Variants in KSR2 observed in about 807,000 individuals in gnomAD.
KSR2 encodes the protein kinase suppressor of ras 2.
A neutral mutation model predicts 107.8 loss-of-function variants in KSR2; 25 were observed. The observed-to-expected ratio is 0.23, with a 90% CI of 0.17 to 0.32. The LOEUF is 0.32. Among genes scored for constraint, KSR2 ranks in the 10% least tolerant of loss-of-function variants. KSR2 has a pLI of 1.00. For synonymous variants in KSR2, 480 were observed against 507.0 expected (o/e 0.95, Z 0.71); for missense variants, 887 against 1,268.9 (o/e 0.70, Z 4.57).
chr12:117,854,130 G>A (rs1318566129), intron 3 of KSR2, among the ~76,000 whole-genome samples: 4 of 152,092 alleles, frequency 2.6e-5, no homozygotes, highest in East Asian at 1.9e-4. Context: ...TCAGCCTCCC[G>A]AGTAGCTGGG....
rs1875033989 is a variant in KSR2, at chr12:117,525,111, T to G, written c.1960A>C (p.Ile654Leu). 1 of 1,614,010 alleles carries G rather than the reference T, an allele frequency of 6.2e-7. No individual in the cohort carries two copies. The highest frequency in any genetic ancestry group is 8.5e-7 in the Non-Finnish European group (1 of 1,179,884). The change falls in exon 14 of 20, where the codon ATC becomes CTC. Residue 654 changes from isoleucine (I) to leucine (L), a missense_variant. Around this residue, in one of 8 missense-constraint regions of KSR2, gnomAD observed 308 missense variants for 506.2 expected, o/e 0.61. Transcript: ENST00000339824. ...GGGATGTCCCACTCCTGAAGGAAGA[T>G]GCTGGTCTGGCTGGCCTTGCGTGGG... ...SFPRKASQTS[I>L]FLQEWDIPFE...
At chr12:117,792,045 T>C in intron 3 of KSR2, among the ~76,000 whole-genome samples, 1 of 152,076 alleles carries the variant, frequency 6.6e-6, no homozygotes, top group Non-Finnish European at 1.5e-5. Flanking sequence ...TGATAAAGCA[T>C]TGCGGTTTTG....
At position 117,576,274 on chromosome 12, in the gene KSR2, G is replaced by A. The variant is rs185307108; in HGVS notation, c.1325+2845C>T. On this transcript the variant is annotated intron_variant, in intron 7 of 19. Coordinates refer to ENST00000339824, the MANE Select transcript of KSR2 (RefSeq NM_173598.6). Reference sequence around the variant, plus strand: ...ATGTAAGAGTTGCCATTACCCCCACGGAATGTGGTGGGACTAGATACAGAT... The same window carrying A: ...ATGTAAGAGTTGCCATTACCCCCACAGAATGTGGTGGGACTAGATACAGAT... 1.7e-3 allele frequency among the ~76,000 whole-genome samples: 264 copies of A among 152,228 alleles called. 1 individual carries two copies. The highest frequency in any genetic ancestry group is 6.0e-3 in the African/African-American group (251 of 41,546).
chr12:117,787,811 A>G (rs941697523), intron 3 of KSR2, among the ~76,000 whole-genome samples: 3 of 152,198 alleles, frequency 2.0e-5, no homozygotes, highest in Non-Finnish European at 4.4e-5. Flanking sequence ...CCAGATCTTT[A>G]TTAACAGGAT....
At chr12:117,716,078 C>A (rs551929025) in intron 4 of KSR2, among the ~76,000 whole-genome samples, 16 of 152,278 alleles carry the variant, frequency 1.1e-4, no homozygotes, top group African/African-American at 3.6e-4. Flanking sequence ...ATCTCAGCAC[C>A]CTGTCTGCTT....
At chr12:117,581,325 C>T (rs1352214657) in intron 6 of KSR2, among the ~76,000 whole-genome samples, 1 of 152,116 alleles carries the variant, frequency 6.6e-6, no homozygotes, top group Non-Finnish European at 1.5e-5. Context: ...CCCTAGACCA[C>T]GAGCTCCCCA....
chr12:117,850,808 C>CA (rs11308554), intron 3 of KSR2, among the ~76,000 whole-genome samples: 11,161 of 140,080 alleles, frequency 0.08, 1,113 homozygotes, highest in African/African-American at 0.24. Context: ...GACCCCATCT[C>CA]AAAAAAAAAA....
chr12:117,571,114 C>T (rs1465701130), intron 7 of KSR2, among the ~76,000 whole-genome samples: 2 of 152,038 alleles, frequency 1.3e-5, no homozygotes, highest in African/African-American at 4.8e-5. Context: ...AAAAATTAGC[C>T]GGACATGGTG....
chr12:117,577,637 C>T (rs970229981), intron 7 of KSR2, among the ~76,000 whole-genome samples: 3 of 152,120 alleles, frequency 2.0e-5, no homozygotes, highest in African/African-American at 4.8e-5. Flanking sequence ...AGGCAAAAGG[C>T]ACTTCTTACA....
At chr12:117,653,128 C>A (rs1245178550) in intron 5 of KSR2, among the ~76,000 whole-genome samples, 4 of 152,194 alleles carry the variant, frequency 2.6e-5, no homozygotes, top group African/African-American at 9.7e-5. Context: ...TCACCACATC[C>A]CTGTTCAACT....
intron 4 of KSR2, among the ~76,000 whole-genome samples, chr12:117,731,314 G>T (rs1194053097): frequency 1.3e-5 from 2 of 149,532 alleles, no homozygotes; most frequent in Non-Finnish European, 3.0e-5. Flanking sequence ...CCGCCCAGCA[G>T]CCGCCCCGTC....
In KSR2 at chr12:117,485,586, C is replaced by G; in HGVS notation, c.2316+9G>C. 1 of 1,610,826 alleles carries G rather than the reference C, an allele frequency of 6.2e-7. No homozygotes were observed. The highest frequency in any genetic ancestry group is 8.5e-7 in the Non-Finnish European group (1 of 1,177,210). On this transcript the variant is annotated intron_variant, in intron 15 of 19. Transcript: ENST00000339824. ...AGATTTAGATAGGAGGCCCAAGAGC[C>G]GACAGTACCTTCACAATTTCTTGAG...
At chr12:117,882,818 C>T (rs939376369) in intron 1 of KSR2, among the ~76,000 whole-genome samples, 3 of 151,802 alleles carry the variant, frequency 2.0e-5, no homozygotes, top group African/African-American at 4.8e-5. Flanking sequence ...CTTATTCATC[C>T]ATCCATCTAT....
chr12:117,777,088 T>TTATATATATA (rs1288633301), intron 3 of KSR2, among the ~76,000 whole-genome samples: 3,210 of 132,338 alleles, frequency 0.024, 78 homozygotes, highest in Middle Eastern at 0.051. Context: ...TATATATATT[T>TTATATATATA]TATATATATA....
chr12:117,965,248 C>CCATGAGAATTCCCAAAGA, intron 1 of KSR2, among the ~76,000 whole-genome samples: 1 of 152,176 alleles, frequency 6.6e-6, no homozygotes, highest in Non-Finnish European at 1.5e-5. Context: ...AAGAGAAAAG[C>CCATGAGAATTCCCAAAGA]CATGAGAATT....
chr12:117,813,926 A>G (rs1469131742), intron 3 of KSR2, among the ~76,000 whole-genome samples: 3 of 152,224 alleles, frequency 2.0e-5, no homozygotes, highest in African/African-American at 4.8e-5. Context: ...TATATACACA[A>G]CAGAATACTA....
chr12:117,775,714 C>T (rs1005863600), intron 3 of KSR2, among the ~76,000 whole-genome samples: 4 of 152,138 alleles, frequency 2.6e-5, no homozygotes, highest in African/African-American at 9.7e-5. Flanking sequence ...GGAGTAGAAA[C>T]TTTCCCAAGA....
rs1216857337 is a variant in KSR2, at chr12:117,522,088, A to C, written c.2219+2764T>G. Reference sequence around the variant, plus strand: ...AGAGTCTTTATCGTGGTGCCAGGAAAAGGCTGGGCTATTTGTGAAATCTGT... The same window carrying C: ...AGAGTCTTTATCGTGGTGCCAGGAACAGGCTGGGCTATTTGTGAAATCTGT... On this transcript the variant is annotated intron_variant, in intron 14 of 19. Coordinates refer to ENST00000339824, the MANE Select transcript of KSR2 (RefSeq NM_173598.6). Among the ~76,000 whole-genome samples the C allele has an allele frequency of 7.2e-5, 11 of 152,314 alleles. No individual in the cohort carries two copies. The East Asian group carries it at 2.1e-3, about 29-fold the overall frequency.
chr12:117,472,591 G>A (rs998613186), intron 17 of KSR2, among the ~76,000 whole-genome samples: 3 of 152,180 alleles, frequency 2.0e-5, no homozygotes, highest in African/African-American at 4.8e-5. Context: ...TCAGAGCACT[G>A]TGTCAAATCA....
Sources: gnomAD v4.1 joint callset for allele counts (sites outside exome capture counted in the v4.1 genomes callset) on GRCh38, gnomAD v4.1.1 for gene constraint, gnomAD v4.1.1 regional missense constraint, MANE v1.5 for transcripts, NCBI Gene and HGNC (gene_info 2026-07-23, HGNC 2026-07-21) for gene names.